Variants in GRIPAP1 observed in about 807,000 individuals in gnomAD.
GRIPAP1 encodes the protein GRIP1-associated protein 1.
Under a neutral mutation model 84.1 loss-of-function variants are expected in GRIPAP1, and 14 were observed. The observed-to-expected ratio is 0.17, with a 90% CI of 0.11 to 0.26. The LOEUF is 0.26. Among genes scored for constraint, GRIPAP1 ranks in the 10% least tolerant of loss-of-function variants. The probability of loss-of-function intolerance (pLI) is 1.00; values close to 1 mark genes in which losing one functional copy is unlikely to be tolerated. For synonymous variants in GRIPAP1, 261 were observed against 256.8 expected (o/e 1.02, Z -0.15); for missense variants, 518 against 674.2 (o/e 0.77, Z 2.57).
intron 8 of GRIPAP1, 143 bp downstream of exon 8, chrX:48,990,542 T>C: frequency 2.1e-6 from 1 of 480,965 alleles, no homozygotes; most frequent in Non-Finnish European, 3.7e-6. Flanking sequence ...CTCTGAGACA[T>C]AGGTGTGAGT....
rs1332360867 is a variant in GRIPAP1, at chrX:48,975,319, C to A, written c.2279-10G>T. 1.5e-5 allele frequency: 18 copies of A among 1,199,855 alleles called. No individual in the cohort carries two copies. The highest frequency in any genetic ancestry group is 2.0e-5 in the Non-Finnish European group (18 of 888,774). On this transcript the variant is annotated splice_polypyrimidine_tract_variant and intron_variant, in intron 24 of 25. Coordinates refer to ENST00000376423, the MANE Select transcript of GRIPAP1 (RefSeq NM_020137.5). Reference sequence around the variant, plus strand: ...GCTGCCACAGACACATCTGCAAGGGCCCAGGCTGAAAACCACCCCCTCGGC... The same window carrying A: ...GCTGCCACAGACACATCTGCAAGGGACCAGGCTGAAAACCACCCCCTCGGC...
At chrX:48,993,112 G>A (rs1196413639) in intron 6 of GRIPAP1, among the ~76,000 whole-genome samples, 2 of 112,615 alleles carry the variant, frequency 1.8e-5, no homozygotes, top group African/African-American at 3.2e-5. Context: ...GAGCCACCGC[G>A]CCCGGCCGCA....
intron 22 of GRIPAP1, chrX:48,977,244 A>G (rs961357796): frequency 1.8e-5 from 2 of 110,896 alleles, no homozygotes; most frequent in African/African-American, 6.6e-5. Flanking sequence ...AGGTAGAGAC[A>G]ACAGTTGAAT....
At chrX:48,985,513 C>A in intron 13 of GRIPAP1, 111 bp from the exon 14 acceptor site, 1 of 607,360 alleles carries the variant, frequency 1.6e-6, no homozygotes, top group South Asian at 2.7e-5. Flanking sequence ...GGAAGAGAAC[C>A]AGGAAGAGAG....
chrX:48,983,276 G>A lies in GRIPAP1; in HGVS notation c.1437C>T (p.Asp479=), dbSNP rs781811646. ...GGAGCTCCTCCTCCTGACGCTTCTT[G>A]TCTTCATGCAGCTCTCGGAGCTCAC... ...YERELRELHE[D]KKRQEEELRG... is the part of the protein sequence containing the mutation. The change falls in exon 16 of 26, where the codon GAC becomes GAT. Residue 479 remains aspartate (D), a synonymous_variant. Coordinates refer to ENST00000376423, the MANE Select transcript of GRIPAP1 (RefSeq NM_020137.5). 1 of 1,211,103 alleles carries A rather than the reference G, an allele frequency of 8.3e-7. No homozygotes were observed. Among genetic ancestry groups the A allele is most frequent in the African/African-American group, 1.7e-5 (1 of 57,587 alleles).
rs782384056 is a variant in GRIPAP1, at chrX:48,991,093, C to T, written c.475G>A (p.Gly159Arg). ...KNVAALQERY[G>R]KEAGKFSAVS... Reference sequence around the variant, plus strand: ...GCTGAGAACTTCCCGGCTTCTTTCCCATAGCGTTCCTGCAGGGCTGGTGAG... The same window carrying T: ...GCTGAGAACTTCCCGGCTTCTTTCCTATAGCGTTCCTGCAGGGCTGGTGAG... The change falls in exon 7 of 26, where the codon GGG becomes AGG. Residue 159 changes from glycine to arginine, a missense_variant. Transcript: ENST00000376423. 1.7e-6 allele frequency: 2 copies of T among 1,197,818 alleles called. No individual in the cohort carries two copies. Among genetic ancestry groups the T allele is most frequent in the Admixed American group, 4.3e-5 (2 of 46,042 alleles).
intron 24 of GRIPAP1, chrX:48,975,544 T>C (rs1183219384): frequency 7.8e-6 from 3 of 383,094 alleles, no homozygotes; most frequent in African/African-American, 2.6e-5. Flanking sequence ...TGACTGTATG[T>C]GAAGCACAGA....
chrX:48,989,096 G>A (rs1036330216), intron 11 of GRIPAP1, among the ~76,000 whole-genome samples: 4 of 111,317 alleles, frequency 3.6e-5, no homozygotes, highest in African/African-American at 1.3e-4. Flanking sequence ...CACTTCCTAG[G>A]TGTCTTAGGC....
intron 21 of GRIPAP1, among the ~76,000 whole-genome samples, chrX:48,980,232 TG>T (rs2064448291): frequency 2.9e-4 from 25 of 87,641 alleles, no homozygotes; most frequent in African/African-American, 8.2e-4. Flanking sequence ...AAGTTGTGTG[TG>T]TGTGTGTGTG....
At chrX:48,987,953 GGACA>G (rs2064500233) in intron 12 of GRIPAP1, 76 bp from the exon 13 acceptor site, 8 of 319,019 alleles carry the variant, frequency 2.5e-5, no homozygotes, top group East Asian at 7.0e-5. Flanking sequence ...AAGAAAGAAA[GGACA>G]CACACACACA....
chrX:48,979,137 T>C (rs1327649625), intron 21 of GRIPAP1, among the ~76,000 whole-genome samples: 2 of 109,187 alleles, frequency 1.8e-5, no homozygotes, highest in Admixed American at 9.8e-5. Context: ...GAGCAGATGA[T>C]AGAAACTGAG....
intron 15 of GRIPAP1, 30 bp downstream of exon 15, chrX:48,983,745 C>T: frequency 2.3e-6 from 2 of 885,046 alleles, no homozygotes; most frequent in Non-Finnish European, 3.3e-6. Flanking sequence ...TACCCCCCAT[C>T]CTCTCCCTTC....
chrX:48,981,731 C>T (rs2064458456), intron 18 of GRIPAP1, 40 bp from the exon 19 acceptor site: 4 of 1,157,548 alleles, frequency 3.5e-6, no homozygotes, highest in Non-Finnish European at 4.7e-6. Flanking sequence ...GCTTGGGAAG[C>T]CTCTGTCCTC....
Position 48,998,380 on chromosome X carries a change from G to A in GRIPAP1, c.172-200C>T, listed in dbSNP as rs1367215590. On this transcript the variant is annotated intron_variant, in intron 3 of 25. Coordinates refer to ENST00000376423, the MANE Select transcript of GRIPAP1 (RefSeq NM_020137.5). ...GGAATGAGTGTGTGAGTGAGTGAAT[G>A]AATGCAAGTCTTGCCCTGGGGCCCC... is the stretch of plus-strand genomic sequence containing the variant. 2.7e-5 allele frequency among the ~76,000 whole-genome samples: 3 copies of A among 112,545 alleles called. No individual in the cohort carries two copies. In the East Asian group the frequency reaches 8.4e-4, roughly 31 times the overall value.
intron 23 of GRIPAP1, 53 bp from the exon 24 acceptor site, chrX:48,976,164 T>G: frequency 8.4e-7 from 1 of 1,197,347 alleles, no homozygotes; most frequent in Non-Finnish European, 1.1e-6. Context: ...TGTTCACACA[T>G]GAGGCGGGCC....
chrX:48,989,831 T>TCA lies in GRIPAP1; in HGVS notation c.770+3_770+4insTG. The TCA allele has an allele frequency of 1.7e-6, 2 of 1,206,990 alleles. No homozygotes were observed. The highest frequency in any genetic ancestry group is 2.2e-6 in the Non-Finnish European group (2 of 891,320). ...CCACCAATACCCGCAAATCTGGCAG[T>TCA]TACCTGCTGTCATTAAACAGAGTCT... On this transcript the variant is annotated splice_donor_region_variant and intron_variant, in intron 10 of 25. Transcript: ENST00000376423.
chrX:48,976,507 T>A, intron 22 of GRIPAP1, 144 bp from the exon 23 acceptor site: 1 of 689,085 alleles, frequency 1.5e-6, no homozygotes, highest in Non-Finnish European at 2.1e-6. Flanking sequence ...CCCATCTTGG[T>A]ACCCTCAGAC....
At chrX:48,975,870 C>T (rs782141958) in intron 24 of GRIPAP1, 148 bp downstream of exon 24, 3 of 466,952 alleles carry the variant, frequency 6.4e-6, no homozygotes, top group Non-Finnish European at 1.1e-5. Flanking sequence ...AGAGACAGTG[C>T]TTTCCTGTTC....
At chrX:49,002,087 G>C in intron 1 of GRIPAP1, 101 bp downstream of exon 1, 1 of 512,399 alleles carries the variant, frequency 2.0e-6, no homozygotes, top group Non-Finnish European at 3.4e-6. Flanking sequence ...ATAAACTCAG[G>C]GTCCATCCCA....
Sources: gnomAD v4.1 joint callset for allele counts (sites outside exome capture counted in the v4.1 genomes callset) on GRCh38, gnomAD v4.1.1 for gene constraint, MANE v1.5 for transcripts, NCBI Gene and HGNC (gene_info 2026-07-23, HGNC 2026-07-21) for gene names.